Variants in WDR7 observed in about 807,000 individuals in gnomAD.
WDR7 encodes the protein WD repeat-containing protein 7.
A neutral mutation model predicts 169.4 loss-of-function variants in WDR7; 46 were observed. The ratio of observed to expected loss-of-function variants is 0.27; its 90% CI spans 0.21 to 0.35. WDR7 has a LOEUF of 0.35. WDR7 is among the 10% of genes least tolerant of loss of function. WDR7 has a pLI of 1.00. For missense variants in WDR7, 1,534 were observed against 1,859.3 expected, an observed-to-expected ratio of 0.83 and a Z score of 3.22; for synonymous variants, 612 against 666.8, an observed-to-expected ratio of 0.92 and a Z score of 1.27.
At chr18:56,739,635 C>T (rs1368094944) in intron 14 of WDR7, among the ~76,000 whole-genome samples, 3 of 152,002 alleles carry the variant, frequency 2.0e-5, no homozygotes, top group African/African-American at 7.2e-5. Flanking sequence ...TGAATTTTCT[C>T]AGTTTTTGAT....
intron 26 of WDR7, chr18:57,010,456 C>T (rs773522211): frequency 3.0e-5 from 9 of 304,446 alleles, no homozygotes; most frequent in South Asian, 1.3e-4. Flanking sequence ...TATATCAAAA[C>T]GTTATGTTTT....
intron 20 of WDR7, among the ~76,000 whole-genome samples, chr18:56,871,875 C>A (rs560227733): frequency 1.3e-5 from 2 of 151,866 alleles, no homozygotes; most frequent in Admixed American, 6.6e-5. Flanking sequence ...TGAATTCAAC[C>A]GCATTATTTT....
chr18:56,669,381 A>G (rs1455466887), intron 1 of WDR7, among the ~76,000 whole-genome samples: 1 of 152,168 alleles, frequency 6.6e-6, no homozygotes, highest in Non-Finnish European at 1.5e-5. Context: ...CAAAGACTGC[A>G]TAACTAGTGA....
intron 2 of WDR7, among the ~76,000 whole-genome samples, chr18:56,676,981 A>G (rs1216257891): frequency 2.0e-5 from 3 of 152,074 alleles, no homozygotes; most frequent in African/African-American, 4.8e-5. Flanking sequence ...CGTTGTAGTT[A>G]TTTTTGATTG....
At chr18:56,915,041 T>C (rs1441155478) in intron 21 of WDR7, among the ~76,000 whole-genome samples, 2 of 152,206 alleles carry the variant, frequency 1.3e-5, no homozygotes, top group Non-Finnish European at 2.9e-5. Context: ...TTTTAAAATA[T>C]CTTTATTAAA....
chr18:57,001,047 AAGAGAGAGAGAGAGAG>A (rs10536689), intron 26 of WDR7, among the ~76,000 whole-genome samples: 16 of 129,494 alleles, frequency 1.2e-4, no homozygotes, highest in South Asian at 5.3e-4. Flanking sequence ...ATCTCTACAA[AAGAGAGAGAGAGAGAG>A]AGAGAGAGAG....
chr18:56,714,233 A>T (rs2026143683), intron 12 of WDR7, among the ~76,000 whole-genome samples: 1 of 152,102 alleles, frequency 6.6e-6, no homozygotes, highest in Non-Finnish European at 1.5e-5. Context: ...TTTAATCCAT[A>T]TTTAAAAAGC....
intron 16 of WDR7, among the ~76,000 whole-genome samples, chr18:56,761,108 C>T (rs2043974246): frequency 6.6e-6 from 1 of 152,188 alleles, no homozygotes; most frequent in East Asian, 1.9e-4. Flanking sequence ...CTGCCAGGCT[C>T]AAGCAATCCT....
rs1019351543 is a variant in WDR7 at position 56,821,831 on chromosome 18, C to CA, written c.3304+5698dup. Among the ~76,000 whole-genome samples, 1,038 of 142,152 alleles carry CA rather than the reference C, an allele frequency of 7.3e-3. 23 individuals are homozygous for CA. Among genetic ancestry groups the CA allele is most frequent in the Admixed American group, 0.048 (691 of 14,288 alleles). 93.3% of individuals were successfully genotyped at this position (142,152 alleles called of 152,430 possible). A position where few individuals can be genotyped will look rare whatever the true frequency, so the allele number is the denominator to read the frequency against. ...ACAACAGGGAGATACCCTATCTCTA[C>CA]AAAAAAAAAAATTAAAAGTTAGCTA... is the stretch of plus-strand genomic sequence containing the variant. On this transcript the variant is annotated intron_variant, in intron 20 of 27. Transcript: ENST00000254442.
chr18:56,675,734 A>T (rs948539527), intron 2 of WDR7, among the ~76,000 whole-genome samples: 1 of 151,988 alleles, frequency 6.6e-6, no homozygotes, highest in East Asian at 1.9e-4. Context: ...GCACCTCCAT[A>T]ACAATATTGA....
chr18:56,673,402 A>G (rs1291132211), intron 2 of WDR7, among the ~76,000 whole-genome samples: 1 of 152,210 alleles, frequency 6.6e-6, no homozygotes, highest in Non-Finnish European at 1.5e-5. Flanking sequence ...TTGAGATATA[A>G]TTCACATACT....
chr18:56,736,667 A>G (rs948440996), intron 14 of WDR7, among the ~76,000 whole-genome samples: 3 of 151,958 alleles, frequency 2.0e-5, no homozygotes, highest in African/African-American at 7.3e-5. Context: ...AGTAATTAGG[A>G]AAGCCATTGG....
At chr18:56,759,226 G>A (rs772271693) in intron 16 of WDR7, among the ~76,000 whole-genome samples, 28 of 152,120 alleles carry the variant, frequency 1.8e-4, no homozygotes, top group African/African-American at 3.9e-4. Context: ...CTTGACAACA[G>A]TAGTGTTTTA....
intron 1 of WDR7, among the ~76,000 whole-genome samples, chr18:56,670,866 A>C (rs948698883): frequency 6.6e-6 from 1 of 152,152 alleles, no homozygotes; most frequent in African/African-American, 2.4e-5. Flanking sequence ...CTGTCAGGCT[A>C]TAGGTGACTT....
At chr18:56,707,788 G>C (rs1449680719) in intron 12 of WDR7, among the ~76,000 whole-genome samples, 2 of 152,122 alleles carry the variant, frequency 1.3e-5, no homozygotes, top group African/African-American at 4.8e-5. Flanking sequence ...CTGAAGGTTA[G>C]GTTTCTCTGC....
chr18:56,667,423 T>C (rs1408160622), intron 1 of WDR7, among the ~76,000 whole-genome samples: 1 of 152,192 alleles, frequency 6.6e-6, no homozygotes, highest in Non-Finnish European at 1.5e-5. Context: ...CTCAAAAAGT[T>C]TGAGCATGTT....
At chr18:56,912,852 T>A (rs1282868987) in intron 21 of WDR7, among the ~76,000 whole-genome samples, 1 of 152,064 alleles carries the variant, frequency 6.6e-6, no homozygotes, top group African/African-American at 2.4e-5. Flanking sequence ...CTCTGAGCCA[T>A]CTGTACATGT....
intron 26 of WDR7, 65 bp from the exon 27 acceptor site, chr18:57,020,680 T>C: frequency 6.9e-7 from 1 of 1,443,612 alleles, no homozygotes; most frequent in African/African-American, 1.4e-5. Flanking sequence ...TGAATGCATT[T>C]GTGTGTGTAC....
At chr18:56,692,437 T>G (rs1190970133) in intron 9 of WDR7, among the ~76,000 whole-genome samples, 1 of 45,834 alleles carries the variant, frequency 2.2e-5, no homozygotes, top group Non-Finnish European at 8.1e-5. Context: ...CAGAGTTTTT[T>G]TTGTTTTTTT....
Sources: gnomAD v4.1 joint callset for allele counts (sites outside exome capture counted in the v4.1 genomes callset) on GRCh38, gnomAD v4.1.1 for gene constraint, MANE v1.5 for transcripts, NCBI Gene and HGNC (gene_info 2026-07-23, HGNC 2026-07-21) for gene names.